PAX1: variants seen among roughly 807,000 people sequenced by gnomAD.
The protein encoded by PAX1 is paired box protein Pax-1.
In PAX1, 18 loss-of-function variants were observed where a neutral mutation model predicts 35.6. That is an observed-to-expected ratio of 0.50 (90% CI 0.35 to 0.75). PAX1 has a LOEUF of 0.75. PAX1 is among the 30% of genes least tolerant of loss of function. The probability of loss-of-function intolerance (pLI) is 0.01; values close to 1 mark genes in which losing one functional copy is unlikely to be tolerated. For missense variants in PAX1, 760 were observed against 661.5 expected, an observed-to-expected ratio of 1.15 and a Z score of -1.63; for synonymous variants, 397 against 305.2, an observed-to-expected ratio of 1.30 and a Z score of -3.14.
intron 2 of PAX1, 108 bp from the exon 3 acceptor site, chr20:21,708,450 T>G (rs975893450): frequency 4.2e-5 from 55 of 1,321,768 alleles, no homozygotes; most frequent in Admixed American, 3.0e-4. Context: ...ACCTACAAAT[T>G]TTGTGGGACC....
At chr20:21,710,802 G>A (rs912714299) in intron 4 of PAX1, among the ~76,000 whole-genome samples, 1 of 152,174 alleles carries the variant, frequency 6.6e-6, no homozygotes, top group Non-Finnish European at 1.5e-5. Flanking sequence ...GACATCCTGG[G>A]ATATTAGGAT....
chr20:21,716,652 G>C lies in PAX1; in HGVS notation c.*2090G>C, dbSNP rs995128027. The C allele has an allele frequency of 6.6e-6, 1 of 152,108 alleles. No homozygotes were observed. The highest frequency in any genetic ancestry group is 6.5e-5 in the Admixed American group (1 of 15,278). 9.4% of individuals were successfully genotyped at this position (152,108 alleles called of 1,614,324 possible). On this transcript the variant is annotated 3_prime_UTR_variant, in exon 5 of 5. Coordinates refer to ENST00000613128, the MANE Select transcript of PAX1 (RefSeq NM_001257096.2). ...CTGGGTGACACTATCTCATCAGAGA[G>C]GCAGGATTGAGACTTGGACTTTGAG...
chr20:21,711,866 A>T (rs1985208184), intron 4 of PAX1, among the ~76,000 whole-genome samples: 2 of 152,260 alleles, frequency 1.3e-5, no homozygotes, highest in Non-Finnish European at 2.9e-5. Context: ...GAAAAATAAT[A>T]AGAATCACTG....
Position 21,705,827 on chromosome 20 carries a change from C to G in PAX1, c.115C>G (p.Arg39Gly). The G allele has an allele frequency of 7.4e-7, 1 of 1,348,156 alleles. No homozygotes were observed. Among genetic ancestry groups the G allele is most frequent in the Non-Finnish European group, 9.6e-7 (1 of 1,045,132 alleles). 83.5% of individuals were successfully genotyped at this position (1,348,156 alleles called of 1,614,324 possible). A position where few individuals can be genotyped will look rare whatever the true frequency, so the allele number is the denominator to read the frequency against. Reference protein sequence around the residue: ...GGSALRCRAQRVSSPRLGRRG... With the variant: ...GGSALRCRAQGVSSPRLGRRG... The stretch of plus-strand genomic sequence containing the variant: ...CAGCGCGCTCCGCTGCCGCGCACAG[C>G]GCGTCTCCAGCCCGCGGCTGGGCCG... The change falls in exon 1 of 5, where the codon CGC (arginine) becomes GGC (glycine). Residue 39 changes from arginine to glycine, a missense_variant. Transcript: ENST00000613128.
At position 21,706,637 on chromosome 20, in the gene PAX1, C is replaced by G. The variant is rs199752989; in HGVS notation, c.486C>G (p.Pro162=). 1.2e-5 allele frequency: 20 copies of G among 1,612,068 alleles called. No individual in the cohort carries two copies. The highest frequency in any genetic ancestry group is 1.7e-5 in the Non-Finnish European group (20 of 1,180,018). ...ARYNETGSIL[P]GAIGGSKPRV... ...ACAACGAGACCGGCTCCATTCTGCCCGGGGCCATCGGGGGGAGCAAGCCCC... is the reference window on the plus strand; with the variant it reads ...ACAACGAGACCGGCTCCATTCTGCCGGGGGCCATCGGGGGGAGCAAGCCCC... Residue 162 remains proline, a synonymous_variant, in exon 2 of 5, where the codon CCC becomes CCG. Coordinates refer to ENST00000613128, the MANE Select transcript of PAX1 (RefSeq NM_001257096.2). This position sits in a 1 kb window ranked among gnomAD's most constrained non-coding sequence, Gnocchi z 5.3.
At chr20:21,712,283 G>A (rs1236275691) in intron 4 of PAX1, among the ~76,000 whole-genome samples, 1 of 152,030 alleles carries the variant, frequency 6.6e-6, no homozygotes. Flanking sequence ...TTTTTAAAAA[G>A]GTAGTGAGTC....
In PAX1 at chr20:21,717,121, C is replaced by T. The variant is rs1312128374; in HGVS notation, c.*2559C>T. ...AAAGGGAGGCATTTTTCAAATCTGC[C>T]TCTTGTTCCCTGTATCCTGTGGCTG... On this transcript the variant is annotated 3_prime_UTR_variant, in exon 5 of 5. Transcript: ENST00000613128. The T allele has an allele frequency of 6.6e-6, 1 of 152,222 alleles. No individual in the cohort carries two copies. Among genetic ancestry groups the T allele is most frequent in the Non-Finnish European group, 1.5e-5 (1 of 68,072 alleles). The allele number at this position is 152,222 out of a possible 1,614,324, so 9.4% of individuals were successfully genotyped here.
At chr20:21,711,163 A>C (rs1036824242) in intron 4 of PAX1, among the ~76,000 whole-genome samples, 13 of 152,248 alleles carry the variant, frequency 8.5e-5, no homozygotes, top group Admixed American at 2.6e-4. Context: ...AAAATGTATA[A>C]CCACAGATTT....
intron 2 of PAX1, among the ~76,000 whole-genome samples, chr20:21,707,643 G>C (rs539437908): frequency 2.2e-4 from 33 of 152,294 alleles, no homozygotes; most frequent in African/African-American, 7.9e-4. Context: ...CACACTATAG[G>C]TCAAGTGGGT....
Position 21,714,954 on chromosome 20 carries a change from TC to T in PAX1, c.*395del. ...TCTTTCTTTCTCACTCTCCCTCCCT[TC>T]CCTTTCTCTTTCCCTTCCTCCCTAC... On this transcript the variant is annotated 3_prime_UTR_variant, in exon 5 of 5. Coordinates refer to ENST00000613128, the MANE Select transcript of PAX1 (RefSeq NM_001257096.2). The T allele has an allele frequency of 1.4e-6, 1 of 736,002 alleles. No homozygotes were observed. Among genetic ancestry groups the T allele is most frequent in the South Asian group, 1.5e-5 (1 of 65,792 alleles). The allele number at this position is 736,002 out of a possible 1,614,324, so 45.6% of individuals were successfully genotyped here. A position where few individuals can be genotyped will look rare whatever the true frequency, so the allele number is the denominator to read the frequency against.
intron 3 of PAX1, 126 bp downstream of exon 3, chr20:21,708,826 G>A (rs1486811211): frequency 1.2e-5 from 12 of 968,192 alleles, no homozygotes; most frequent in Non-Finnish European, 3.2e-6. Context: ...TCTGGCAGCC[G>A]GCTAGCAAGC....
Position 21,706,360 on chromosome 20 carries a change from G to T in PAX1, c.287-78G>T. On this transcript the variant is annotated intron_variant, in intron 1 of 4. Transcript: ENST00000613128. This position sits in a 1 kb window ranked among gnomAD's most constrained non-coding sequence, Gnocchi z 5.3. ...GAAGTGCGCCTGGGTGCAGTCCCTC[G>T]CTCCGCGTGGGGACCCTTGGCTAAC... The T allele has an allele frequency of 1.9e-6, 3 of 1,573,180 alleles. No homozygotes were observed. The highest frequency in any genetic ancestry group is 2.6e-6 in the Non-Finnish European group (3 of 1,154,034).
In PAX1 at chr20:21,709,426, A is replaced by C; in HGVS notation, c.1264A>C (p.Lys422Gln). Reference protein sequence around the residue: ...GGELAAAMTFKHPSREVADRK... With the variant: ...GGELAAAMTFQHPSREVADRK... ...GGAACTCGCGGCAGCAATGACCTTC[A>C]AGCATCCCAGCCGAGAAGGTGAGGA... The change falls in exon 4 of 5, where the codon AAG becomes CAG. Residue 422 changes from lysine (K) to glutamine (Q), a missense_variant. Physicochemically the swap from Lys to Gln is moderately conservative, Grantham distance 53. This residue lies in a region of PAX1 where 490 missense variants were observed against 428.4 expected (regional missense o/e 1.14). Transcript: ENST00000613128. 6.5e-7 allele frequency: 1 copy of C among 1,535,472 alleles called. No homozygotes were observed. Among genetic ancestry groups the C allele is most frequent in the South Asian group, 1.2e-5 (1 of 83,268 alleles).
In PAX1 at chr20:21,706,158, C is replaced by G; in HGVS notation, c.286+160C>G. On this transcript the variant is annotated intron_variant, in intron 1 of 4. Transcript: ENST00000613128. The surrounding 1 kb of genome is among the most constrained non-coding windows in gnomAD (Gnocchi z 5.3). ...CCCCAGCCTTCAGGGGGCAGTTGAG[C>G]AAGTCTGGGAAGGGAGTGTTCCAAG... 1 of 790,958 alleles carries G rather than the reference C, an allele frequency of 1.3e-6. No homozygotes were observed. The highest frequency in any genetic ancestry group is 2.1e-6 in the Non-Finnish European group (1 of 469,814). The allele number at this position is 790,958 out of a possible 1,614,324, so 49.0% of individuals were successfully genotyped here.
chr20:21,713,813 G>C (rs951774350), intron 4 of PAX1, among the ~76,000 whole-genome samples: 14 of 152,248 alleles, frequency 9.2e-5, no homozygotes, highest in Admixed American at 6.5e-5. Flanking sequence ...GTCCCAGGAC[G>C]TGCTGTGCCC....
chr20:21,714,594 G>A lies in PAX1; in HGVS notation c.*32G>A, dbSNP rs755144482. The A allele has an allele frequency of 1.2e-5, 19 of 1,566,114 alleles. No individual in the cohort carries two copies. The East Asian group carries it at 3.3e-4, about 27-fold the overall frequency. ...CTCTCCCCGGACCCGAGCCCGGAGG[G>A]AACGGCAGGCGGACCCGGGCGCACA... is the stretch of plus-strand genomic sequence containing the variant. On this transcript the variant is annotated 3_prime_UTR_variant, in exon 5 of 5. Coordinates refer to ENST00000613128, the MANE Select transcript of PAX1 (RefSeq NM_001257096.2).
chr20:21,707,048 G>C lies in PAX1; in HGVS notation c.897G>C (p.Arg299=). Residue 299 remains arginine, a synonymous_variant, in exon 2 of 5, where the codon CGG becomes CGC. Transcript: ENST00000613128. ...AHSVSNILGI[R]TFMEQTGALA... is the part of the protein sequence containing the mutation. ...CGGTCAGCAACATCCTGGGCATCCG[G>C]ACGTTTATGGAGCAAACAGGTCAGT... 1 of 1,613,094 alleles carries C rather than the reference G, an allele frequency of 6.2e-7. No individual in the cohort carries two copies. Among genetic ancestry groups the C allele is most frequent in the African/African-American group, 1.3e-5 (1 of 75,064 alleles).
Position 21,706,915 on chromosome 20 carries a change from C to T in PAX1, c.764C>T (p.Pro255Leu), listed in dbSNP as rs1204878461. The change falls in exon 2 of 5, where the codon CCC (proline) becomes CTC (leucine). Residue 255 changes from proline to leucine, a missense_variant. Physicochemically the swap from Pro to Leu is moderately conservative, Grantham distance 98. Transcript: ENST00000613128. The surrounding 1 kb of genome is among the most constrained non-coding windows in gnomAD (Gnocchi z 5.3). ...TLPYNHIYQYPYPSPVSPTGA... is the reference protein window; with the variant it reads ...TLPYNHIYQYLYPSPVSPTGA... Reference sequence around the variant, plus strand: ...CCCTACAACCACATCTACCAGTACCCCTACCCCAGTCCCGTGTCGCCCACG... The same window carrying T: ...CCCTACAACCACATCTACCAGTACCTCTACCCCAGTCCCGTGTCGCCCACG... 1 of 1,613,100 alleles carries T rather than the reference C, an allele frequency of 6.2e-7. No individual in the cohort carries two copies. The highest frequency in any genetic ancestry group is 8.5e-7 in the Non-Finnish European group (1 of 1,179,896).
rs1985324273 is a variant in PAX1, at chr20:21,715,027, C to T, written c.*465C>T. ...ACCTTCCAGGGCTCCCTCTGCCCTT[C>T]CACTCTCTTTTCCTTGCTCCGACCT... is the stretch of plus-strand genomic sequence containing the variant. On this transcript the variant is annotated 3_prime_UTR_variant, in exon 5 of 5. Coordinates refer to ENST00000613128, the MANE Select transcript of PAX1 (RefSeq NM_001257096.2). 1 of 622,416 alleles carries T rather than the reference C, an allele frequency of 1.6e-6. No individual in the cohort carries two copies. Among genetic ancestry groups the T allele is most frequent in the Non-Finnish European group, 2.9e-6 (1 of 350,084 alleles). 38.6% of individuals were successfully genotyped at this position (622,416 alleles called of 1,614,324 possible). A position where few individuals can be genotyped will look rare whatever the true frequency, so the allele number is the denominator to read the frequency against.
Sources: allele counts gnomAD v4.1 joint callset (sites outside exome capture counted in the v4.1 genomes callset), GRCh38; gene constraint gnomAD v4.1.1; regional missense constraint gnomAD v4.1.1; non-coding constraint Gnocchi (gnomAD v3.1); transcripts MANE v1.5; gene names NCBI Gene and HGNC (gene_info 2026-07-23, HGNC 2026-07-21).